The following P2RX3 variants were observed in gnomAD, a reference collection of about 807,000 sequenced individuals.
P2RX3 encodes P2X purinoceptor 3.
A neutral mutation model predicts 51.5 loss-of-function variants in P2RX3; 41 were observed. That is an observed-to-expected ratio of 0.80 (90% CI 0.62 to 1.03). P2RX3 has a LOEUF of 1.03. Ranked by LOEUF, P2RX3 falls within the 50% of genes least tolerant of loss-of-function variation. The pLI, the probability that P2RX3 is intolerant of heterozygous loss-of-function variation, is 0.00. For missense variants in P2RX3, 459 were observed against 522.1 expected, an observed-to-expected ratio of 0.88 and a Z score of 1.18; for synonymous variants, 185 against 191.6, an observed-to-expected ratio of 0.97 and a Z score of 0.29.
intron 8 of P2RX3, among the ~76,000 whole-genome samples, chr11:57,361,220 C>A (rs911634524): frequency 1.3e-5 from 2 of 152,166 alleles, no homozygotes; most frequent in Admixed American, 1.3e-4. Context: ...GCCAGGAAAG[C>A]GGCCCCTGCC....
chr11:57,370,239 G>A lies in P2RX3; in HGVS notation c.*242G>A. 1.9e-6 allele frequency: 1 copy of A among 517,592 alleles called. No homozygotes were observed. The highest frequency in any genetic ancestry group is 2.5e-5 in the South Asian group (1 of 39,598). 32.1% of individuals were successfully genotyped at this position (517,592 alleles called of 1,614,324 possible). A position where few individuals can be genotyped will look rare whatever the true frequency, so the allele number is the denominator to read the frequency against. ...CCATCTGCTTCCTAGGACCCCTGGG[G>A]CAGGAGCACCTGAGCCATCCCCTTC... On this transcript the variant is annotated 3_prime_UTR_variant, in exon 12 of 12. Coordinates refer to ENST00000263314, the MANE Select transcript of P2RX3 (RefSeq NM_002559.5).
At position 57,368,059 on chromosome 11, in the gene P2RX3, T is replaced by G; in HGVS notation, c.893T>G (p.Leu298Arg). 6.2e-7 allele frequency: 1 copy of G among 1,614,182 alleles called. No homozygotes were observed. Among genetic ancestry groups the G allele is most frequent in the Non-Finnish European group, 8.5e-7 (1 of 1,180,022 alleles). Residue 298 changes from leucine (L) to arginine (R), a missense_variant, in exon 9 of 12, where the codon CTG (leucine) becomes CGG (arginine). Leu to Arg is a moderately radical substitution (Grantham distance 102). Coordinates refer to ENST00000263314, the MANE Select transcript of P2RX3 (RefSeq NM_002559.5). Reference protein sequence around the residue: ...MENGSEYRTLLKAFGIRFDVL... With the variant: ...MENGSEYRTLRKAFGIRFDVL... ...AATGGCAGTGAGTACCGCACCCTCCTGAAGGCTTTTGGCATCCGCTTCGAC... is the reference window on the plus strand; with the variant it reads ...AATGGCAGTGAGTACCGCACCCTCCGGAAGGCTTTTGGCATCCGCTTCGAC...
chr11:57,368,372 G>C lies in P2RX3; in HGVS notation c.937G>C (p.Ala313Pro). ...CTTGCCTTGGTCTTTGTGCACACAG[G>C]CTGGCAAGTTCAACATCATCCCCAC... ...IRFDVLVYGNAGKFNIIPTII... is the reference protein window; with the variant it reads ...IRFDVLVYGNPGKFNIIPTII... The change falls in exon 10 of 12, where the codon GCT (alanine) becomes CCT (proline). Residue 313 changes from alanine (A) to proline (P), a missense_variant and splice_region_variant. Ala to Pro is a conservative substitution (Grantham distance 27). Coordinates refer to ENST00000263314, the MANE Select transcript of P2RX3 (RefSeq NM_002559.5). 6.2e-7 allele frequency: 1 copy of C among 1,614,102 alleles called. No individual in the cohort carries two copies. Among genetic ancestry groups the C allele is most frequent in the Non-Finnish European group, 8.5e-7 (1 of 1,180,032 alleles).
chr11:57,366,751 G>A (rs1856802873), intron 8 of P2RX3, among the ~76,000 whole-genome samples: 1 of 152,202 alleles, frequency 6.6e-6, no homozygotes, highest in African/African-American at 2.4e-5. Flanking sequence ...GGTGGGGACT[G>A]CAGTCTCGGG....
intron 5 of P2RX3, 55 bp from the exon 6 acceptor site, chr11:57,348,572 C>G (rs116919616): frequency 6.8e-7 from 1 of 1,476,332 alleles, no homozygotes; most frequent in African/African-American, 1.4e-5. Flanking sequence ...AGGTGAAAGC[C>G]TTCATTTCCC....
intron 8 of P2RX3, among the ~76,000 whole-genome samples, chr11:57,351,371 T>C (rs1856545706): frequency 6.6e-6 from 1 of 152,268 alleles, no homozygotes; most frequent in Non-Finnish European, 1.5e-5. Context: ...CAAACGTGTG[T>C]CACCAGTAGC....
chr11:57,365,364 A>G (rs1334799213), intron 8 of P2RX3, among the ~76,000 whole-genome samples: 1 of 152,194 alleles, frequency 6.6e-6, no homozygotes, highest in Non-Finnish European at 1.5e-5. Flanking sequence ...GGGAGGAGCA[A>G]TTCCCAGAAC....
intron 7 of P2RX3, 160 bp from the exon 8 acceptor site, chr11:57,350,602 A>G: frequency 1.1e-6 from 1 of 933,876 alleles, no homozygotes; most frequent in Non-Finnish European, 1.6e-6. Flanking sequence ...TTCTTTACTG[A>G]GCAGTATATG....
rs756479906 is a variant in P2RX3 at position 57,350,764 on chromosome 11, G to C, written c.708G>C (p.Gly236=). 4 of 1,613,892 alleles carry C rather than the reference G, an allele frequency of 2.5e-6. No individual in the cohort carries two copies. The African/African-American group carries it at 5.3e-5, about 22-fold the overall frequency. The change falls in exon 8 of 12, where the codon GGG becomes GGC. Residue 236 remains glycine (G), a splice_region_variant and synonymous_variant. Coordinates refer to ENST00000263314, the MANE Select transcript of P2RX3 (RefSeq NM_002559.5). ...GQDFAKLART[G]GVLGIKIGWV... The stretch of plus-strand genomic sequence containing the variant: ...TCATACCCGGCCCGTTTCTTCAGGG[G>C]GGAGTTCTGGGCATTAAGATCGGCT...
intron 6 of P2RX3, 25 bp downstream of exon 6, chr11:57,348,729 G>A (rs558622384): frequency 1.9e-6 from 3 of 1,587,132 alleles, no homozygotes; most frequent in Admixed American, 1.7e-5. Context: ...CTTCCCTAAA[G>A]CCAAGATGCA....
At chr11:57,347,305 T>G in intron 3 of P2RX3, 110 bp from the exon 4 acceptor site, 7 of 1,472,566 alleles carry the variant, frequency 4.8e-6, no homozygotes, top group Non-Finnish European at 6.5e-6. Flanking sequence ...AACTGGGACC[T>G]GGGACCTCCA....
chr11:57,354,799 C>T (rs1158902065), intron 8 of P2RX3, among the ~76,000 whole-genome samples: 3 of 152,008 alleles, frequency 2.0e-5, no homozygotes, highest in Non-Finnish European at 2.9e-5. Context: ...ATACTGTATC[C>T]GTCAGGGTCC....
chr11:57,364,454 A>G (rs1856767546), intron 8 of P2RX3, among the ~76,000 whole-genome samples: 1 of 152,178 alleles, frequency 6.6e-6, no homozygotes, highest in Non-Finnish European at 1.5e-5. Context: ...ACAACAGTAT[A>G]GTCTTCATGA....
chr11:57,350,240 C>T (rs1161696116), intron 7 of P2RX3: 1 of 253,922 alleles, frequency 3.9e-6, no homozygotes, highest in Admixed American at 4.9e-5. Context: ...AGCTAAAGCA[C>T]TGAAGATCCC....
intron 8 of P2RX3, among the ~76,000 whole-genome samples, chr11:57,358,298 G>A (rs1047955597): frequency 6.6e-6 from 1 of 152,132 alleles, no homozygotes; most frequent in Non-Finnish European, 1.5e-5. Flanking sequence ...GATAATGTAG[G>A]GAGAACTTTG....
Position 57,369,969 on chromosome 11 carries a change from AT to A in P2RX3, c.1168del (p.Ser390ArgfsTer6). 6.2e-7 allele frequency: 1 copy of A among 1,613,912 alleles called. No individual in the cohort carries two copies. The highest frequency in any genetic ancestry group is 8.5e-7 in the Non-Finnish European group (1 of 1,179,920). On this transcript the variant is annotated frameshift_variant, in exon 12 of 12. Transcript: ENST00000263314. LOFTEE classifies it high-confidence loss of function. Reference protein sequence around the residue: ...DQTTAEKQSTDSGAFSIGH With the variant: ...DQTTAEKQSTXSGAFSIGH ...ACCACAGCGGAGAAGCAGTCCACCGATTCGGGGGCCTTCTCCATAGGCCACT... is the reference window on the plus strand; with the variant it reads ...ACCACAGCGGAGAAGCAGTCCACCGATCGGGGGCCTTCTCCATAGGCCACT...
intron 7 of P2RX3, 134 bp downstream of exon 7, chr11:57,350,032 G>T (rs1245904900): frequency 5.9e-6 from 8 of 1,360,634 alleles, no homozygotes; most frequent in Non-Finnish European, 8.0e-6. Flanking sequence ...ATCCCAGGCC[G>T]CCACTGGCTT....
In P2RX3 at chr11:57,370,162, A is replaced by G; in HGVS notation, c.*165A>G. The stretch of plus-strand genomic sequence containing the variant: ...TGGGCCTCCGACTGCTCCAGCAGAC[A>G]GGCAGTGCTCCCTGCTGAGACCCCA... On this transcript the variant is annotated 3_prime_UTR_variant, in exon 12 of 12. Coordinates refer to ENST00000263314, the MANE Select transcript of P2RX3 (RefSeq NM_002559.5). The G allele has an allele frequency of 1.7e-6, 1 of 599,002 alleles. No individual in the cohort carries two copies. The highest frequency in any genetic ancestry group is 3.0e-6 in the Non-Finnish European group (1 of 335,990). 37.1% of individuals were successfully genotyped at this position (599,002 alleles called of 1,614,324 possible).
chr11:57,364,975 A>G (rs1369756177), intron 8 of P2RX3, among the ~76,000 whole-genome samples: 1 of 152,130 alleles, frequency 6.6e-6, no homozygotes, highest in Non-Finnish European at 1.5e-5. Flanking sequence ...ACACCTTCCC[A>G]GGTCAGGCTG....
Sources: allele counts gnomAD v4.1 joint callset (sites outside exome capture counted in the v4.1 genomes callset), GRCh38; gene constraint gnomAD v4.1.1; transcripts MANE v1.5; gene names NCBI Gene and HGNC (gene_info 2026-07-23, HGNC 2026-07-21).